The following ZNF790 variants were observed in gnomAD, a reference collection of about 807,000 sequenced individuals.
ZNF790 encodes zinc finger protein 790.
ZNF790 carries 8 observed loss-of-function variants against 12.1 expected under a neutral mutation model. That is an observed-to-expected ratio of 0.66 (90% confidence interval 0.39 to 1.19). The LOEUF is 1.19. Among genes scored for constraint, ZNF790 ranks in the 50% most tolerant of loss-of-function variants. ZNF790 has a pLI of 0.01. For synonymous variants in ZNF790, 252 were observed against 244.3 expected (o/e 1.03, Z -0.29); for missense variants, 707 against 752.2 (o/e 0.94, Z 0.70).
chr19:36,827,141 C>CACAT (rs1313807327), intron 1 of ZNF790, among the ~76,000 whole-genome samples: 155 of 84,426 alleles, frequency 1.8e-3, no homozygotes, highest in South Asian at 5.8e-3. Context: ...CACACACACA[C>CACAT]ATATATATAT....
At chr19:36,850,418 A>G (rs1301817585), upstream of ZNF790, 1 of 152,272 alleles carries the variant, frequency 6.6e-6, no homozygotes, top group Non-Finnish European at 1.5e-5. Context: ...TTGGTTAAAG[A>G]CTATTGCAAT....
In ZNF790 at chr19:36,819,358, T is replaced by C. The variant is rs1289838082; in HGVS notation, c.986A>G (p.Gln329Arg). Residue 329 changes from glutamine (Q) to arginine (R), a missense_variant, in exon 5 of 5, where the codon CAG becomes CGG. Physicochemically the swap from Gln to Arg is conservative, Grantham distance 43. Coordinates refer to ENST00000356725, the MANE Select transcript of ZNF790 (RefSeq NM_206894.4). ...AGGTTTTTCACCAGTGTGAATTCTC[T>C]GATGTTTAATAAGATGTGATCGCTG... ...FSQRSHLIKH[Q>R]RIHTGEKPYE... 1 of 1,612,962 alleles carries C rather than the reference T, an allele frequency of 6.2e-7. No individual in the cohort carries two copies. The highest frequency in any genetic ancestry group is 8.5e-7 in the Non-Finnish European group (1 of 1,179,412).
intron 1 of ZNF790, among the ~76,000 whole-genome samples, chr19:36,831,350 AATAG>A (rs57025196): frequency 0.26 from 38,974 of 151,934 alleles, 5,383 homozygotes; most frequent in Non-Finnish European, 0.32. Flanking sequence ...AGAAGAAAGT[AATAG>A]ATAGACCATA....
At chr19:36,820,244 G>C in intron 4 of ZNF790, 130 bp from the exon 5 acceptor site, 1 of 946,108 alleles carries the variant, frequency 1.1e-6, no homozygotes, top group Non-Finnish European at 1.5e-6. Context: ...TCTCAAATAT[G>C]AGCAATATGA....
At chr19:36,826,855 C>A (rs2071815482) in intron 1 of ZNF790, among the ~76,000 whole-genome samples, 1 of 149,706 alleles carries the variant, frequency 6.7e-6, no homozygotes, top group Non-Finnish European at 1.5e-5. Context: ...AGAAAATTTC[C>A]TATAGGAAAT....
chr19:36,847,838 A>G (rs1486274488), intron 1 of ZNF790, among the ~76,000 whole-genome samples: 2 of 152,008 alleles, frequency 1.3e-5, no homozygotes, highest in Admixed American at 6.6e-5. Flanking sequence ...TTTCAAAAAA[A>G]GGATTGAGGG....
At position 36,820,088 on chromosome 19, in the gene ZNF790, T is replaced by C; in HGVS notation, c.256A>G (p.Lys86Glu). The change falls in exon 5 of 5, where the codon AAG (lysine) becomes GAG (glutamate). Residue 86 changes from lysine (K) to glutamate (E), a missense_variant. Coordinates refer to ENST00000356725, the MANE Select transcript of ZNF790 (RefSeq NM_206894.4). ...PDMQSRCQTK[K>E]LLPKNGIFER... ...AAAATGCCATTTTTTGGTAATAACT[T>C]CTTGGTCTGACACCTCGACTGCATG... is the stretch of plus-strand genomic sequence containing the variant. The C allele has an allele frequency of 6.2e-7, 1 of 1,606,208 alleles. No homozygotes were observed.
Position 36,818,626 on chromosome 19 carries a change from T to G in ZNF790, c.1718A>C (p.His573Pro). 1 of 1,610,730 alleles carries G rather than the reference T, an allele frequency of 6.2e-7. No individual in the cohort carries two copies. The highest frequency in any genetic ancestry group is 8.5e-7 in the Non-Finnish European group (1 of 1,178,374). ...GCKKSSHIFSHHSYFTEQKIH... is the reference protein window; with the variant it reads ...GCKKSSHIFSPHSYFTEQKIH... ...TTTTTGTTCAGTAAAATATGAATGGTGACTAAAGATGTGGCTACTTTTCTT... is the reference window on the plus strand; with the variant it reads ...TTTTTGTTCAGTAAAATATGAATGGGGACTAAAGATGTGGCTACTTTTCTT... Residue 573 changes from histidine to proline, a missense_variant, in exon 5 of 5, where the codon CAC becomes CCC. By Grantham distance (77) the His-to-Pro change is moderately conservative (BLOSUM62 -2). Coordinates refer to ENST00000356725, the MANE Select transcript of ZNF790 (RefSeq NM_206894.4).
At position 36,817,962 on chromosome 19, in the gene ZNF790, AC is replaced by A. The variant is rs1241016995; in HGVS notation, c.*470del. 6.5e-6 allele frequency: 1 copy of A among 152,768 alleles called. No homozygotes were observed. The highest frequency in any genetic ancestry group is 2.4e-5 in the African/African-American group (1 of 41,434). 9.5% of individuals were successfully genotyped at this position (152,768 alleles called of 1,614,324 possible). On this transcript the variant is annotated 3_prime_UTR_variant, in exon 5 of 5. Coordinates refer to ENST00000356725, the MANE Select transcript of ZNF790 (RefSeq NM_206894.4). ...CTCGGCCTCCCGAGTAGCTGGGACT[AC>A]AGGCGTGTGCTACCACGCCCGGCTA... is the stretch of plus-strand genomic sequence containing the variant.
intron 1 of ZNF790, among the ~76,000 whole-genome samples, chr19:36,834,038 T>C (rs1389791673): frequency 6.6e-6 from 1 of 151,350 alleles, no homozygotes; most frequent in Non-Finnish European, 1.5e-5. Context: ...AGGTCAGGAG[T>C]TCGAGACCAG....
At chr19:36,826,569 G>A (rs940552075) in intron 1 of ZNF790, among the ~76,000 whole-genome samples, 7 of 140,452 alleles carry the variant, frequency 5.0e-5, no homozygotes, top group African/African-American at 1.9e-4. Context: ...GCGACACAGC[G>A]AGACTCGGTC....
intron 1 of ZNF790, among the ~76,000 whole-genome samples, chr19:36,845,798 CTT>C (rs34959202): frequency 4.2e-5 from 6 of 144,142 alleles, no homozygotes; most frequent in Admixed American, 1.4e-4. Context: ...AACCTAGATT[CTT>C]TTTTTTTTTT....
At chr19:36,840,201 G>A (rs1436042246), upstream of ZNF790, among the ~76,000 whole-genome samples, 1 of 152,158 alleles carries the variant, frequency 6.6e-6, no homozygotes, top group Non-Finnish European at 1.5e-5. Context: ...CCTTACAGAA[G>A]GAAAGGTATG....
Position 36,819,544 on chromosome 19 carries a change from G to C in ZNF790, c.800C>G (p.Ser267Ter), listed in dbSNP as rs1043324273. Residue 267 changes from serine (S) to a stop codon, truncating the protein, a stop_gained, in exon 5 of 5, where the codon TCA becomes TGA. Coordinates refer to ENST00000356725, the MANE Select transcript of ZNF790 (RefSeq NM_206894.4). LOFTEE classifies it low-confidence loss of function (END_TRUNC). ...AATTCGCTTATGGACACTAAGTTGT[G>C]AATGAAATCTAAAGGCTTTCCCACA... ...KDCGKAFRFH[S>*]QLSVHKRIHT... 18 of 1,612,782 alleles carry C rather than the reference G, an allele frequency of 1.1e-5. No homozygotes were observed. Among genetic ancestry groups the C allele is most frequent in the Non-Finnish European group, 1.4e-5 (17 of 1,179,346 alleles).
chr19:36,847,650 T>A (rs1176804504), intron 1 of ZNF790, among the ~76,000 whole-genome samples: 1 of 150,796 alleles, frequency 6.6e-6, no homozygotes, highest in Non-Finnish European at 1.5e-5. Context: ...CTTGGGAGAC[T>A]GAGACAGGAG....
intron 1 of ZNF790, among the ~76,000 whole-genome samples, chr19:36,848,056 G>A (rs1417578055): frequency 6.6e-6 from 1 of 152,160 alleles, no homozygotes; most frequent in East Asian, 1.9e-4. Flanking sequence ...CAGGTATTTT[G>A]CTTCTCAGGT....
At chr19:36,835,254 C>T (rs1177034271) in intron 1 of ZNF790, among the ~76,000 whole-genome samples, 1 of 152,126 alleles carries the variant, frequency 6.6e-6, no homozygotes, top group African/African-American at 2.4e-5. Context: ...GCACTCCAGC[C>T]TGGGCGACAG....
chr19:36,841,347 C>T (rs376952592), upstream of ZNF790, among the ~76,000 whole-genome samples: 2 of 152,096 alleles, frequency 1.3e-5, no homozygotes, highest in Non-Finnish European at 2.9e-5. Context: ...AGGCTGGGCA[C>T]GGTGGGTCAT....
At chr19:36,846,488 C>T (rs749135477) in intron 1 of ZNF790, among the ~76,000 whole-genome samples, 1 of 152,012 alleles carries the variant, frequency 6.6e-6, no homozygotes, top group African/African-American at 2.4e-5. Flanking sequence ...TTCTTGAACC[C>T]GGGAAGCGGA....
Sources: gnomAD v4.1 joint callset for allele counts (sites outside exome capture counted in the v4.1 genomes callset) on GRCh38, gnomAD v4.1.1 for gene constraint, MANE v1.5 for transcripts, NCBI Gene and HGNC (gene_info 2026-07-23, HGNC 2026-07-21) for gene names.